The following EIF3H variants were observed in gnomAD, a reference collection of about 807,000 sequenced individuals.
EIF3H encodes the protein eukaryotic translation initiation factor 3 subunit H.
EIF3H carries 26 observed loss-of-function variants against 44.2 expected under a neutral mutation model. The ratio of observed to expected loss-of-function variants is 0.59; its 90% confidence interval spans 0.43 to 0.82. The LOEUF (loss-of-function observed/expected upper bound fraction) is 0.82. Ranked by LOEUF, EIF3H falls within the 40% of genes least tolerant of loss-of-function variation. EIF3H has a pLI of 0.00. For missense variants in EIF3H, 359 were observed against 432.8 expected (o/e 0.83, Z 1.51); for synonymous variants, 166 against 151.9 (o/e 1.09, Z -0.68).
chr8:116,755,391 C>T (rs540700387), intron 1 of EIF3H, among the ~76,000 whole-genome samples: 2 of 152,266 alleles, frequency 1.3e-5, no homozygotes, highest in South Asian at 4.2e-4. Flanking sequence ...TTCAAATCCC[C>T]CCACCGGTCA....
chr8:116,715,563 AT>A (rs1252239898), intron 2 of EIF3H, among the ~76,000 whole-genome samples: 1 of 152,014 alleles, frequency 6.6e-6, no homozygotes, highest in Non-Finnish European at 1.5e-5. Flanking sequence ...AGTAAGCAAA[AT>A]TAAAAATTGG....
intron 2 of EIF3H, among the ~76,000 whole-genome samples, chr8:116,696,872 C>G (rs1423328506): frequency 2.6e-5 from 4 of 152,130 alleles, no homozygotes; most frequent in African/African-American, 4.8e-5. Flanking sequence ...GCCCTGCACA[C>G]ACAAAAAAGT....
intron 2 of EIF3H, among the ~76,000 whole-genome samples, chr8:116,709,189 T>G (rs1814529186): frequency 6.6e-6 from 1 of 152,116 alleles, no homozygotes; most frequent in Admixed American, 6.6e-5. Context: ...CACTATTTAA[T>G]CTACTTCCTG....
intron 3 of EIF3H, 112 bp from the exon 4 acceptor site, chr8:116,657,426 G>C (rs1813509273): frequency 1.3e-6 from 1 of 771,030 alleles, no homozygotes; most frequent in African/African-American, 1.8e-5. Flanking sequence ...GCAAAATAAA[G>C]ATCAAAATAA....
At chr8:116,682,668 C>T (rs1346363944) in intron 2 of EIF3H, among the ~76,000 whole-genome samples, 2 of 152,132 alleles carry the variant, frequency 1.3e-5, no homozygotes, top group African/African-American at 4.8e-5. Context: ...AATTTACCTT[C>T]CCTCCAAAAT....
intron 2 of EIF3H, among the ~76,000 whole-genome samples, chr8:116,706,904 T>G (rs904857347): frequency 1.2e-4 from 19 of 152,182 alleles, no homozygotes; most frequent in African/African-American, 3.9e-4. Flanking sequence ...TAGGCTAATA[T>G]AAGTGTTCTG....
At chr8:116,671,787 TAAAC>T (rs1813760524) in intron 2 of EIF3H, among the ~76,000 whole-genome samples, 1 of 152,194 alleles carries the variant, frequency 6.6e-6, no homozygotes, top group African/African-American at 2.4e-5. Context: ...ACCTTTAAAT[TAAAC>T]AAACTATCTC....
intron 2 of EIF3H, among the ~76,000 whole-genome samples, chr8:116,701,103 C>G (rs1269239744): frequency 3.9e-5 from 6 of 152,088 alleles, no homozygotes; most frequent in African/African-American, 1.4e-4. Context: ...ACAAAGGAAA[C>G]TGACACAGTA....
At chr8:116,662,007 G>A (rs1813593654) in intron 2 of EIF3H, among the ~76,000 whole-genome samples, 1 of 152,106 alleles carries the variant, frequency 6.6e-6, no homozygotes. Context: ...CCTCTTCCAT[G>A]GTTTAGAATA....
chr8:116,645,515 T>A (rs1813282445), intron 7 of EIF3H, among the ~76,000 whole-genome samples: 2 of 152,052 alleles, frequency 1.3e-5, no homozygotes, highest in Admixed American at 6.6e-5. Context: ...GTACGGTAGG[T>A]TTTCAGTTTG....
At chr8:116,744,446 G>C (rs981550879) in intron 1 of EIF3H, among the ~76,000 whole-genome samples, 6 of 152,094 alleles carry the variant, frequency 3.9e-5, no homozygotes, top group African/African-American at 1.4e-4. Context: ...TTATATGCTT[G>C]AGCATGGTAC....
At chr8:116,726,758 C>T (rs1814848649) in intron 1 of EIF3H, among the ~76,000 whole-genome samples, 1 of 152,182 alleles carries the variant, frequency 6.6e-6, no homozygotes, top group African/African-American at 2.4e-5. Flanking sequence ...GAAGGATTCA[C>T]TAAGCAACCT....
intron 2 of EIF3H, among the ~76,000 whole-genome samples, chr8:116,676,387 A>G (rs947401477): frequency 6.6e-6 from 1 of 152,220 alleles, no homozygotes; most frequent in East Asian, 1.9e-4. Flanking sequence ...ACTTACAATC[A>G]TGGAGGAAGG....
intron 2 of EIF3H, among the ~76,000 whole-genome samples, chr8:116,680,993 C>T (rs1196507035): frequency 6.7e-6 from 1 of 149,870 alleles, no homozygotes; most frequent in East Asian, 1.9e-4. Context: ...AAAGAGTTTA[C>T]AGTACAGCTT....
chr8:116,719,606 T>C (rs1814710983), intron 2 of EIF3H, among the ~76,000 whole-genome samples: 1 of 152,032 alleles, frequency 6.6e-6, no homozygotes, highest in African/African-American at 2.4e-5. Flanking sequence ...GAGGAGTAAA[T>C]GGTTGTCAGA....
intron 2 of EIF3H, among the ~76,000 whole-genome samples, chr8:116,694,673 T>C (rs1312244249): frequency 1.3e-5 from 2 of 152,254 alleles, no homozygotes. Flanking sequence ...AAATCATTCA[T>C]GTTTTCCTTT....
At chr8:116,725,784 A>G (rs570213513) in intron 2 of EIF3H, among the ~76,000 whole-genome samples, 10 of 152,204 alleles carry the variant, frequency 6.6e-5, no homozygotes, top group African/African-American at 2.2e-4. Context: ...TATCCAATCT[A>G]TGACAAATCA....
intron 1 of EIF3H, among the ~76,000 whole-genome samples, chr8:116,764,402 C>T (rs1016902520): frequency 6.6e-6 from 1 of 152,146 alleles, no homozygotes. Flanking sequence ...GGCATCTAAA[C>T]AAAAGTGTAT....
Position 116,726,181 on chromosome 8 carries a change from T to TAC in EIF3H, c.133-11_133-10dup. ...ATTATCTTTAATACCACCTAAAACA[T>TAC]ACACACACAGAAGGGAGCTTAACAA... On this transcript the variant is annotated splice_polypyrimidine_tract_variant and intron_variant, in intron 1 of 7. Transcript: ENST00000521861. 6.2e-7 allele frequency: 1 copy of TAC among 1,610,408 alleles called. No individual in the cohort carries two copies. Among genetic ancestry groups the TAC allele is most frequent in the Non-Finnish European group, 8.5e-7 (1 of 1,177,958 alleles).
Sources: gnomAD v4.1 joint callset for allele counts (sites outside exome capture counted in the v4.1 genomes callset) on GRCh38, gnomAD v4.1.1 for gene constraint, MANE v1.5 for transcripts, NCBI Gene and HGNC (gene_info 2026-07-23, HGNC 2026-07-21) for gene names.